The following PTPRD variants were observed in gnomAD, a reference collection of about 807,000 sequenced individuals.
The protein encoded by PTPRD is receptor-type tyrosine-protein phosphatase delta.
Under a neutral mutation model 214.5 loss-of-function variants are expected in PTPRD, and 34 were observed. That is an observed-to-expected ratio of 0.16 (90% CI 0.12 to 0.21). PTPRD has a LOEUF of 0.21. Ranked by LOEUF, PTPRD falls within the 10% of genes least tolerant of loss-of-function variation. PTPRD has a pLI of 1.00. For missense variants in PTPRD, 2,545 were observed against 2,398.7 expected (o/e 1.06, Z -1.27); for synonymous variants, 1,128 against 845.7 (o/e 1.33, Z -5.79).
chr9:9,799,660 T>C (rs1398710768), intron 5 of PTPRD: 1 of 152,092 alleles, frequency 6.6e-6, no homozygotes, highest in African/African-American at 2.4e-5. Flanking sequence ...GAACTGTCTC[T>C]TTACAAACAA....
chr9:8,775,294 T>C (rs935818424), intron 11 of PTPRD, among the ~76,000 whole-genome samples: 4 of 152,192 alleles, frequency 2.6e-5, no homozygotes, highest in Non-Finnish European at 4.4e-5. Flanking sequence ...AATAAAGACC[T>C]GGGGCAACAT....
chr9:10,277,371 G>A (rs1010244965), intron 3 of PTPRD, among the ~76,000 whole-genome samples: 20 of 151,750 alleles, frequency 1.3e-4, no homozygotes, highest in African/African-American at 3.9e-4. Flanking sequence ...ATCAAAATTT[G>A]GAATTTTAGA....
intron 4 of PTPRD, among the ~76,000 whole-genome samples, chr9:9,983,381 A>T (rs909789408): frequency 1.3e-5 from 2 of 152,222 alleles, no homozygotes; most frequent in Non-Finnish European, 2.9e-5. Flanking sequence ...TAAATACACT[A>T]TAGTAAAATG....
chr9:10,321,384 A>G (rs2096549686), intron 3 of PTPRD, among the ~76,000 whole-genome samples: 1 of 152,056 alleles, frequency 6.6e-6, no homozygotes, highest in Non-Finnish European at 1.5e-5. Flanking sequence ...AGAATTGTAA[A>G]TGCAAAATGA....
At chr9:9,308,914 T>A (rs1382306847) in intron 9 of PTPRD, among the ~76,000 whole-genome samples, 2 of 152,092 alleles carry the variant, frequency 1.3e-5, no homozygotes, top group South Asian at 2.1e-4. Context: ...AGCAGAGTCT[T>A]CAAACTATTG....
chr9:8,331,763 C>A (rs2131662068), intron 43 of PTPRD, 27 bp from the exon 44 acceptor site: 1 of 1,546,538 alleles, frequency 6.5e-7, no homozygotes, highest in Non-Finnish European at 8.7e-7. Flanking sequence ...ACATACCCGG[C>A]CGCAAAGGAA....
intron 10 of PTPRD, among the ~76,000 whole-genome samples, chr9:9,079,750 T>G (rs1299544321): frequency 1.3e-5 from 2 of 152,056 alleles, no homozygotes; most frequent in African/African-American, 4.8e-5. Context: ...GATCACAATA[T>G]GTATGCACTT....
chr9:9,385,405 G>C (rs1446842773), intron 9 of PTPRD, among the ~76,000 whole-genome samples: 1 of 152,128 alleles, frequency 6.6e-6, no homozygotes, highest in Non-Finnish European at 1.5e-5. Context: ...GGAAAGCGAA[G>C]TACTAGACAA....
At chr9:8,815,860 C>G (rs2096909183) in intron 11 of PTPRD, among the ~76,000 whole-genome samples, 1 of 152,096 alleles carries the variant, frequency 6.6e-6, no homozygotes, top group African/African-American at 2.4e-5. Flanking sequence ...TTATAATAGG[C>G]CTTACTGCTG....
chr9:10,269,243 CCTAA>C (rs1461503005), intron 3 of PTPRD, among the ~76,000 whole-genome samples: 1 of 151,998 alleles, frequency 6.6e-6, no homozygotes, highest in African/African-American at 2.4e-5. Context: ...TTCTAATTGC[CCTAA>C]CTATGAATTA....
At position 9,505,114 on chromosome 9, in the gene PTPRD, T is replaced by C. The variant is rs371800542; in HGVS notation, c.-237+69618A>G. Among the ~76,000 whole-genome samples the C allele has an allele frequency of 1.2e-4, 18 of 151,696 alleles. No homozygotes were observed. In the East Asian group the frequency reaches 2.9e-3, roughly 25 times the overall value. On this transcript the variant is annotated intron_variant, in intron 8 of 45. Coordinates refer to ENST00000381196, the MANE Select transcript of PTPRD (RefSeq NM_002839.4). Reference sequence around the variant, plus strand: ...ACAGTTTGATTGCCCTTCTGGACTTTTCTGACTTTCTATTTCCTTTGATAT... The same window carrying C: ...ACAGTTTGATTGCCCTTCTGGACTTCTCTGACTTTCTATTTCCTTTGATAT...
intron 11 of PTPRD, among the ~76,000 whole-genome samples, chr9:8,834,442 T>C (rs10122784): frequency 0.63 from 95,962 of 151,836 alleles, 30,512 homozygotes; most frequent in African/African-American, 0.7. Flanking sequence ...TTTTTGTTTA[T>C]TTCATAAAAA....
At chr9:9,837,165 G>A (rs1282819234) in intron 5 of PTPRD, among the ~76,000 whole-genome samples, 1 of 152,080 alleles carries the variant, frequency 6.6e-6, no homozygotes, top group Non-Finnish European at 1.5e-5. Context: ...GTGTGTGGTG[G>A]TAAATTTTCA....
chr9:9,712,370 G>A (rs925574723), intron 7 of PTPRD, among the ~76,000 whole-genome samples: 1 of 151,834 alleles, frequency 6.6e-6, no homozygotes, highest in African/African-American at 2.4e-5. Context: ...ATCTGAATAG[G>A]AACATAAACT....
At chr9:9,660,971 G>T (rs1221971835) in intron 7 of PTPRD, among the ~76,000 whole-genome samples, 2 of 151,968 alleles carry the variant, frequency 1.3e-5, no homozygotes, top group Non-Finnish European at 2.9e-5. Context: ...ATGTTAGGCA[G>T]CTTCATATGG....
In PTPRD at chr9:9,647,720, T is replaced by C. The variant is rs1168931636; in HGVS notation, c.-286-72939A>G. 3.3e-5 allele frequency among the ~76,000 whole-genome samples: 5 copies of C among 152,348 alleles called. No individual in the cohort carries two copies. The East Asian group carries it at 5.8e-4, about 18-fold the overall frequency. Reference sequence around the variant, plus strand: ...TGTTCTAATTTCTTGTTCAGCCTTATTGTGACAGCAGACCTTTTTGTCTTG... The same window carrying C: ...TGTTCTAATTTCTTGTTCAGCCTTACTGTGACAGCAGACCTTTTTGTCTTG... On this transcript the variant is annotated intron_variant, in intron 7 of 45. Transcript: ENST00000381196.
chr9:10,250,198 T>C (rs1221574553), intron 3 of PTPRD, among the ~76,000 whole-genome samples: 1 of 152,084 alleles, frequency 6.6e-6, no homozygotes, highest in Non-Finnish European at 1.5e-5. Flanking sequence ...AGGCGGGAAA[T>C]GAAGAATCTG....
intron 12 of PTPRD, among the ~76,000 whole-genome samples, chr9:8,640,306 G>A (rs2096545534): frequency 6.6e-6 from 1 of 151,924 alleles, no homozygotes; most frequent in Admixed American, 6.6e-5. Context: ...CCGAGATCAC[G>A]CCACTGCACT....
intron 10 of PTPRD, among the ~76,000 whole-genome samples, chr9:9,076,196 G>A (rs1385937556): frequency 1.3e-5 from 2 of 152,094 alleles, no homozygotes; most frequent in Non-Finnish European, 1.5e-5. Context: ...TCTGTTGGCT[G>A]CATAAATGTC....
Sources: allele counts gnomAD v4.1 joint callset (sites outside exome capture counted in the v4.1 genomes callset), GRCh38; gene constraint gnomAD v4.1.1; transcripts MANE v1.5; gene names NCBI Gene and HGNC (gene_info 2026-07-23, HGNC 2026-07-21).